SGMS1: variants seen among roughly 807,000 people sequenced by gnomAD.
SGMS1 encodes sphingomyelin synthase 1.
A neutral mutation model predicts 46.2 loss-of-function variants in SGMS1; 13 were observed. The observed-to-expected ratio is 0.28, with a 90% CI of 0.18 to 0.45. SGMS1 has a LOEUF of 0.45. Among genes scored for constraint, SGMS1 ranks in the 20% least tolerant of loss-of-function variants. SGMS1 has a pLI of 1.00. For synonymous variants in SGMS1, 203 were observed against 187.8 expected (o/e 1.08, Z -0.66); for missense variants, 324 against 519.9 (o/e 0.62, Z 3.66).
chr10:50,497,022 G>T (rs139954140), intron 3 of SGMS1, among the ~76,000 whole-genome samples: 14 of 152,236 alleles, frequency 9.2e-5, no homozygotes, highest in Admixed American at 9.1e-4. Context: ...TCTTAAAAGG[G>T]GGATATGGTA....
At chr10:50,615,348 T>C (rs1360763956) in intron 1 of SGMS1, among the ~76,000 whole-genome samples, 3 of 152,214 alleles carry the variant, frequency 2.0e-5, no homozygotes, top group Admixed American at 2.0e-4. Flanking sequence ...GTTGTCATAA[T>C]AACAGCTAAC....
Position 50,613,107 on chromosome 10 carries a change from A to C in SGMS1, c.-684+10600T>G, listed in dbSNP as rs546377475. Among the ~76,000 whole-genome samples, 11 of 152,328 alleles carry C rather than the reference A, an allele frequency of 7.2e-5. No homozygotes were observed. The South Asian group carries it at 1.7e-3, about 23-fold the overall frequency. ...CTCTGCTGTCAGGATTATGTCACTA[A>C]AAATGAAAACCTCATGTGGCTTTCA... On this transcript the variant is annotated intron_variant, in intron 1 of 10. Coordinates refer to ENST00000361781, the MANE Select transcript of SGMS1 (RefSeq NM_147156.4).
intron 1 of SGMS1, among the ~76,000 whole-genome samples, chr10:50,616,036 C>T (rs993949030): frequency 1.3e-5 from 2 of 152,192 alleles, no homozygotes; most frequent in Admixed American, 6.5e-5. Context: ...CATTTATTGG[C>T]TAGCTAATTC....
chr10:50,391,047 C>A (rs1311673963), intron 6 of SGMS1, among the ~76,000 whole-genome samples: 1 of 152,172 alleles, frequency 6.6e-6, no homozygotes, highest in East Asian at 1.9e-4. Context: ...TGCCAAGAAG[C>A]GTGTAGTTTG....
chr10:50,511,308 A>G (rs931221718), intron 3 of SGMS1, among the ~76,000 whole-genome samples: 6 of 151,226 alleles, frequency 4.0e-5, no homozygotes, highest in Non-Finnish European at 8.8e-5. Context: ...CCATGAATGA[A>G]AAGTAAAAAG....
At chr10:50,478,258 C>A (rs1054466142) in intron 3 of SGMS1, among the ~76,000 whole-genome samples, 14 of 152,158 alleles carry the variant, frequency 9.2e-5, no homozygotes, top group Admixed American at 2.6e-4. Context: ...AGCTGGAACA[C>A]ATAACCAAGA....
At chr10:50,352,966 A>T (rs1330198408) in intron 6 of SGMS1, among the ~76,000 whole-genome samples, 1 of 152,208 alleles carries the variant, frequency 6.6e-6, no homozygotes, top group East Asian at 1.9e-4. Flanking sequence ...AACCAAAAAA[A>T]GTCCAGGACC....
chr10:50,448,197 AGCTGTGATG>A (rs1837049530), intron 5 of SGMS1, among the ~76,000 whole-genome samples: 1 of 152,108 alleles, frequency 6.6e-6, no homozygotes, highest in Admixed American at 6.5e-5. Flanking sequence ...GGCTGTAGTG[AGCTGTGATG>A]GCTCCACTGC....
chr10:50,479,046 T>C (rs1422044240), intron 3 of SGMS1, among the ~76,000 whole-genome samples: 2 of 151,076 alleles, frequency 1.3e-5, no homozygotes, highest in African/African-American at 4.9e-5. Flanking sequence ...AAACCCTTCT[T>C]TGTCTGCAGT....
chr10:50,413,352 A>G (rs1849127476), intron 6 of SGMS1, among the ~76,000 whole-genome samples: 1 of 152,246 alleles, frequency 6.6e-6, no homozygotes, highest in Non-Finnish European at 1.5e-5. Flanking sequence ...TGCTGATGAT[A>G]AAATGTGTAC....
intron 2 of SGMS1, among the ~76,000 whole-genome samples, chr10:50,582,841 C>G (rs976827379): frequency 2.6e-5 from 4 of 152,184 alleles, no homozygotes; most frequent in Admixed American, 2.6e-4. Context: ...AACCCAAATG[C>G]CCCACAATCA....
At chr10:50,354,132 A>G (rs9799907) in intron 6 of SGMS1, among the ~76,000 whole-genome samples, 17 of 127,444 alleles carry the variant, frequency 1.3e-4, no homozygotes, top group African/African-American at 2.5e-4. Context: ...CGCATTGCGA[A>G]GTCAATCCTA....
intron 6 of SGMS1, among the ~76,000 whole-genome samples, chr10:50,344,841 A>G (rs572143164): frequency 3.0e-4 from 46 of 152,032 alleles, no homozygotes; most frequent in Admixed American, 2.0e-3. Flanking sequence ...ACTGTACTCC[A>G]GCCTGGGCGA....
At chr10:50,461,545 T>C (rs1837264506) in intron 4 of SGMS1, among the ~76,000 whole-genome samples, 1 of 152,212 alleles carries the variant, frequency 6.6e-6, no homozygotes, top group South Asian at 2.1e-4. Flanking sequence ...TGTGATAATC[T>C]ATAAGAAGTA....
intron 2 of SGMS1, among the ~76,000 whole-genome samples, chr10:50,577,459 G>T (rs143502567): frequency 6.6e-6 from 1 of 152,064 alleles, no homozygotes; most frequent in African/African-American, 2.4e-5. Context: ...ACAACAAAAG[G>T]TCCCTTTCCT....
At chr10:50,381,330 G>A (rs1054972727) in intron 6 of SGMS1, among the ~76,000 whole-genome samples, 24 of 151,528 alleles carry the variant, frequency 1.6e-4, no homozygotes, top group African/African-American at 5.8e-4. Context: ...ATGATCTGAG[G>A]TGCAAGCAAA....
chr10:50,365,850 G>T (rs1261334893), intron 6 of SGMS1, among the ~76,000 whole-genome samples: 1 of 152,144 alleles, frequency 6.6e-6, no homozygotes, highest in Non-Finnish European at 1.5e-5. Context: ...CATTTGGGTT[G>T]GTTCCATGTC....
At chr10:50,314,693 T>C (rs1343837053) in intron 8 of SGMS1, among the ~76,000 whole-genome samples, 2 of 152,120 alleles carry the variant, frequency 1.3e-5, no homozygotes, top group African/African-American at 4.8e-5. Flanking sequence ...CTCAGCACTT[T>C]GGGAGGGTCG....
intron 5 of SGMS1, among the ~76,000 whole-genome samples, chr10:50,452,539 C>T (rs1039247595): frequency 1.3e-5 from 2 of 152,112 alleles, no homozygotes; most frequent in African/African-American, 2.4e-5. Context: ...TCTGTAAATG[C>T]GCCAATGAGG....
Sources: gnomAD v4.1 joint callset for allele counts (sites outside exome capture counted in the v4.1 genomes callset) on GRCh38, gnomAD v4.1.1 for gene constraint, MANE v1.5 for transcripts, NCBI Gene and HGNC (gene_info 2026-07-23, HGNC 2026-07-21) for gene names.